The following ARHGEF3 variants were observed in gnomAD, a reference collection of about 807,000 sequenced individuals.
The protein encoded by ARHGEF3 is 59.8 kDA protein.
ARHGEF3 carries 28 observed loss-of-function variants against 63.2 expected under a neutral mutation model. The observed-to-expected ratio is 0.44, with a 90% CI of 0.33 to 0.61. The LOEUF (loss-of-function observed/expected upper bound fraction) is 0.61. Ranked by LOEUF, ARHGEF3 falls within the 20% of genes least tolerant of loss-of-function variation. The pLI, the probability that ARHGEF3 is intolerant of heterozygous loss-of-function variation, is 0.03. For synonymous variants in ARHGEF3, 266 were observed against 254.2 expected (o/e 1.05, Z -0.44); for missense variants, 533 against 659.3 (o/e 0.81, Z 2.10).
chr3:57,029,625 C>T (rs1473158527), intron 2 of ARHGEF3, among the ~76,000 whole-genome samples: 1 of 152,136 alleles, frequency 6.6e-6, no homozygotes, highest in Non-Finnish European at 1.5e-5. Flanking sequence ...AAAAAGGTCC[C>T]CATTTAACTG....
intron 1 of ARHGEF3, among the ~76,000 whole-genome samples, chr3:56,789,083 G>A (rs901061034): frequency 1.8e-4 from 28 of 151,368 alleles, no homozygotes; most frequent in Admixed American, 5.3e-4. Flanking sequence ...GACCTATTAA[G>A]TACTTGTTTG....
intron 4 of ARHGEF3, among the ~76,000 whole-genome samples, chr3:56,819,806 C>T (rs939241455): frequency 6.6e-6 from 1 of 151,862 alleles, no homozygotes; most frequent in African/African-American, 2.4e-5. Flanking sequence ...TAGGCATGAG[C>T]CACTGCATCT....
intron 4 of ARHGEF3, among the ~76,000 whole-genome samples, chr3:56,867,670 C>T (rs932898015): frequency 1.1e-4 from 16 of 152,018 alleles, no homozygotes; most frequent in African/African-American, 3.9e-4. Flanking sequence ...AGGGTTTCGT[C>T]GTGTTGCCCA....
At chr3:56,833,645 G>A (rs2039003053) in intron 4 of ARHGEF3, among the ~76,000 whole-genome samples, 1 of 152,038 alleles carries the variant, frequency 6.6e-6, no homozygotes, top group South Asian at 2.1e-4. Context: ...TACAAAATGT[G>A]TCGCACTTCC....
At chr3:56,965,546 G>T (rs1191200476) in intron 2 of ARHGEF3, among the ~76,000 whole-genome samples, 1 of 151,150 alleles carries the variant, frequency 6.6e-6, no homozygotes, top group Non-Finnish European at 1.5e-5. Context: ...CAAGAGTTAA[G>T]AGGTAAATAA....
chr3:56,761,578 A>C (rs752071714), intron 2 of ARHGEF3, among the ~76,000 whole-genome samples: 8 of 152,170 alleles, frequency 5.3e-5, no homozygotes, highest in Non-Finnish European at 7.4e-5. Context: ...ATTCATCAGC[A>C]ACTGATATAG....
chr3:56,993,451 T>G (rs1023838691), intron 2 of ARHGEF3, among the ~76,000 whole-genome samples: 5 of 152,078 alleles, frequency 3.3e-5, no homozygotes, highest in Non-Finnish European at 7.4e-5. Context: ...CTTGGCTCAC[T>G]GCAGCTTCGG....
intron 2 of ARHGEF3, among the ~76,000 whole-genome samples, chr3:57,016,341 A>G (rs1703000429): frequency 6.6e-6 from 1 of 151,744 alleles, no homozygotes; most frequent in Non-Finnish European, 1.5e-5. Flanking sequence ...CAGGGGTTCA[A>G]TATCAGCCTG....
chr3:56,958,976 G>A (rs1344487059), intron 2 of ARHGEF3: 1 of 1,355,610 alleles, frequency 7.4e-7, no homozygotes, highest in Non-Finnish European at 1.0e-6. Flanking sequence ...TTATCAAAAA[G>A]AGAGATGCCT....
chr3:56,823,056 C>T (rs1015283099), intron 4 of ARHGEF3, among the ~76,000 whole-genome samples: 3 of 152,106 alleles, frequency 2.0e-5, no homozygotes, highest in Non-Finnish European at 4.4e-5. Flanking sequence ...TTCTTTGGAA[C>T]ACTACCAAAA....
At chr3:57,002,474 ATATGT>A (rs1191839360) in intron 2 of ARHGEF3, among the ~76,000 whole-genome samples, 736 of 19,958 alleles carry the variant, frequency 0.037, 21 homozygotes, top group South Asian at 0.085. Flanking sequence ...ATATATATAT[ATATGT>A]TATATATATA....
intron 4 of ARHGEF3, among the ~76,000 whole-genome samples, chr3:56,824,918 C>T (rs896396372): frequency 4.6e-5 from 7 of 152,132 alleles, no homozygotes; most frequent in South Asian, 2.1e-4. Flanking sequence ...TTTTGTTAAA[C>T]GATGTATACC....
chr3:56,977,878 A>G (rs994609208), intron 2 of ARHGEF3, among the ~76,000 whole-genome samples: 1 of 152,198 alleles, frequency 6.6e-6, no homozygotes, highest in Admixed American at 6.5e-5. Flanking sequence ...GTACATAGAG[A>G]GTAGAAACTG....
chr3:56,925,557 C>T (rs560186163), intron 3 of ARHGEF3, among the ~76,000 whole-genome samples: 38 of 152,266 alleles, frequency 2.5e-4, no homozygotes, highest in African/African-American at 8.7e-4. Context: ...ACAATACGAA[C>T]CACCATTGAC....
chr3:56,884,351 G>T (rs1255610858), intron 3 of ARHGEF3, among the ~76,000 whole-genome samples: 1 of 152,180 alleles, frequency 6.6e-6, no homozygotes, highest in Non-Finnish European at 1.5e-5. Flanking sequence ...AGGCCTAAAA[G>T]ATGAATAAGA....
chr3:56,801,995 T>G (rs2037682893), upstream of ARHGEF3: 249 of 763,174 alleles, frequency 3.3e-4, no homozygotes, highest in East Asian at 1.7e-3. Flanking sequence ...CACGCCTTGA[T>G]GGGTGGGGAG....
chr3:56,769,250 G>C (rs917378453), intron 2 of ARHGEF3, among the ~76,000 whole-genome samples: 2 of 152,236 alleles, frequency 1.3e-5, no homozygotes, highest in Non-Finnish European at 2.9e-5. Flanking sequence ...TGTGGACAGG[G>C]AGAGGCAGGG....
chr3:57,078,349 C>G (rs1303220385), intron 1 of ARHGEF3, among the ~76,000 whole-genome samples: 1 of 152,364 alleles, frequency 6.6e-6, no homozygotes, highest in East Asian at 1.9e-4. Flanking sequence ...GCGTCCTCGC[C>G]CAGTGCGGGA....
intron 2 of ARHGEF3, among the ~76,000 whole-genome samples, chr3:56,974,874 C>G (rs559675423): frequency 1.3e-5 from 2 of 152,292 alleles, no homozygotes; most frequent in African/African-American, 2.4e-5. Context: ...CTGGGGAGAG[C>G]CTGTTCTTTC....
Sources: gnomAD v4.1 joint callset for allele counts (sites outside exome capture counted in the v4.1 genomes callset) on GRCh38, gnomAD v4.1.1 for gene constraint, MANE v1.5 for transcripts, NCBI Gene and HGNC (gene_info 2026-07-23, HGNC 2026-07-21) for gene names.